NME7: variants seen among roughly 807,000 people sequenced by gnomAD.
NME7 encodes nucleoside diphosphate kinase 7.
In NME7, 41 loss-of-function variants were observed where a neutral mutation model predicts 49.1. The ratio of observed to expected loss-of-function variants is 0.83; its 90% CI spans 0.65 to 1.08. The LOEUF (loss-of-function observed/expected upper bound fraction) is 1.08. Among genes scored for constraint, NME7 ranks in the 50% least tolerant of loss-of-function variants. The pLI is 0.00. For synonymous variants in NME7, 139 were observed against 150.6 expected (o/e 0.92, Z 0.56); for missense variants, 423 against 463.4 (o/e 0.91, Z 0.80).
intron 3 of NME7, chr1:169,310,726 A>G (rs2101921240): frequency 6.6e-6 from 1 of 152,334 alleles, no homozygotes; most frequent in African/African-American, 2.4e-5. Context: ...GATGAAGATC[A>G]CCTGAGTGTC....
intron 8 of NME7, 123 bp from the exon 9 acceptor site, chr1:169,235,322 G>A: frequency 2.0e-6 from 1 of 496,406 alleles, no homozygotes; most frequent in African/African-American, 2.0e-5. Flanking sequence ...ACTTTACATA[G>A]ATTACTCTTT....
chr1:169,321,963 C>T (rs1651865652), intron 3 of NME7, among the ~76,000 whole-genome samples: 1 of 151,890 alleles, frequency 6.6e-6, no homozygotes. Context: ...CCAAACCATA[C>T]AAAGTATAAG....
At chr1:169,314,871 G>A (rs1651552226) in intron 3 of NME7, among the ~76,000 whole-genome samples, 1 of 152,066 alleles carries the variant, frequency 6.6e-6, no homozygotes, top group Admixed American at 6.6e-5. Context: ...TATACCATGC[G>A]AATGTTAACT....
At chr1:169,155,662 C>T (rs1306163799) in intron 11 of NME7, among the ~76,000 whole-genome samples, 2 of 151,880 alleles carry the variant, frequency 1.3e-5, no homozygotes, top group Non-Finnish European at 2.9e-5. Context: ...TAAAACAAAA[C>T]GATGATGATG....
intron 4 of NME7, among the ~76,000 whole-genome samples, chr1:169,305,145 C>T (rs988551430): frequency 7.2e-5 from 11 of 152,302 alleles, no homozygotes; most frequent in East Asian, 5.8e-4. Context: ...ATTGAAACCA[C>T]GATGAGAGTT....
chr1:169,318,923 G>A (rs1571385114), intron 3 of NME7, among the ~76,000 whole-genome samples: 1 of 151,698 alleles, frequency 6.6e-6, no homozygotes, highest in East Asian at 1.9e-4. Context: ...AACAACCAGG[G>A]GAAGACAGAA....
chr1:169,143,670 T>C (rs932855282), intron 11 of NME7, among the ~76,000 whole-genome samples: 2 of 152,220 alleles, frequency 1.3e-5, no homozygotes, highest in Non-Finnish European at 2.9e-5. Flanking sequence ...TTCTGGTGTA[T>C]AGGAAAAGTT....
chr1:169,327,704 A>G (rs1255409834), intron 1 of NME7, among the ~76,000 whole-genome samples: 3 of 152,360 alleles, frequency 2.0e-5, no homozygotes, highest in South Asian at 4.1e-4. Flanking sequence ...ATAACAAAAA[A>G]TAGGTGATTT....
intron 7 of NME7, among the ~76,000 whole-genome samples, chr1:169,281,948 T>C (rs1260168303): frequency 1.3e-5 from 2 of 152,224 alleles, no homozygotes; most frequent in African/African-American, 4.8e-5. Flanking sequence ...GGTATCAGGA[T>C]GATGCTGGCC....
rs142461719 is a variant in NME7 at position 169,294,024 on chromosome 1, T to C, written c.648+4532A>G. Among the ~76,000 whole-genome samples the C allele has an allele frequency of 3.8e-3, 573 of 152,296 alleles. 4 individuals are homozygous for C. Among genetic ancestry groups the C allele is most frequent in the African/African-American group, 0.012 (510 of 41,584 alleles). On this transcript the variant is annotated intron_variant, in intron 6 of 11. Coordinates refer to ENST00000367811, the MANE Select transcript of NME7 (RefSeq NM_013330.5). ...ATCAAGATTACTATTGATTTTTGTA[T>C]ACTAATATTACATCCAGTACAAATT... is the stretch of plus-strand genomic sequence containing the variant.
At chr1:169,193,634 C>A (rs1055649327) in intron 10 of NME7, among the ~76,000 whole-genome samples, 1 of 152,172 alleles carries the variant, frequency 6.6e-6, no homozygotes, top group Non-Finnish European at 1.5e-5. Context: ...AGAGATAAGG[C>A]CTGGCACATG....
intron 1 of NME7, among the ~76,000 whole-genome samples, chr1:169,329,396 G>GAAAA (rs34676722): frequency 1.0e-5 from 1 of 98,228 alleles, no homozygotes. Context: ...TGTGTTTCCT[G>GAAAA]AAAAAAAAAA....
At chr1:169,279,801 A>G (rs1649927544) in intron 7 of NME7, among the ~76,000 whole-genome samples, 2 of 152,136 alleles carry the variant, frequency 1.3e-5, no homozygotes, top group South Asian at 4.1e-4. Context: ...GGAGCTGTAG[A>G]CTGGAGCTGT....
At chr1:169,136,113 G>C (rs1658421386) in intron 11 of NME7, among the ~76,000 whole-genome samples, 1 of 48,254 alleles carries the variant, frequency 2.1e-5, no homozygotes, top group Admixed American at 1.9e-4. Flanking sequence ...CACATATATC[G>C]GGCACAGCCA....
rs886372344 is a variant in NME7 at position 169,264,661 on chromosome 1, T to C, written c.754+22642A>G. ...AGAGACTTAGATTCATACACAATAA[T>C]AGTGGGAGACATCAACACCCTACTG... On this transcript the variant is annotated intron_variant, in intron 7 of 11. Transcript: ENST00000367811. 4.5e-5 allele frequency among the ~76,000 whole-genome samples: 6 copies of C among 132,716 alleles called. 1 individual carries two copies. Among genetic ancestry groups the C allele is most frequent in the East Asian group, 4.0e-4 (2 of 5,002 alleles). 87.1% of individuals were successfully genotyped at this position (132,716 alleles called of 152,430 possible).
Position 169,132,919 on chromosome 1 carries a change from C to T in NME7, c.1099-102G>A. ...GTCAGGACTTCAGACACTGGCATAC[C>T]CCTTCCCAAAGACACTAAAAGTTAA... On this transcript the variant is annotated intron_variant, in intron 11 of 11. Transcript: ENST00000367811. 4 of 765,930 alleles carry T rather than the reference C, an allele frequency of 5.2e-6. No homozygotes were observed. The South Asian group carries it at 6.9e-5, about 13-fold the overall frequency. 47.4% of individuals were successfully genotyped at this position (765,930 alleles called of 1,614,324 possible). A position where few individuals can be genotyped will look rare whatever the true frequency, so the allele number is the denominator to read the frequency against.
rs10919126 is a variant in NME7, at chr1:169,295,128, G to A, written c.648+3428C>T. ...AGTGGAAGCTGCCTGAGACCCTCACGAGATGCAGATGCCCAATCTTGATGT... is the reference window on the plus strand; with the variant it reads ...AGTGGAAGCTGCCTGAGACCCTCACAAGATGCAGATGCCCAATCTTGATGT... On this transcript the variant is annotated intron_variant, in intron 6 of 11. Transcript: ENST00000367811. Among the ~76,000 whole-genome samples the A allele has an allele frequency of 1.6e-3, 238 of 152,156 alleles. 1 individual carries two copies. The highest frequency in any genetic ancestry group is 5.4e-3 in the African/African-American group (223 of 41,530).
intron 11 of NME7, among the ~76,000 whole-genome samples, chr1:169,151,564 A>C (rs1284239412): frequency 4.0e-5 from 6 of 151,768 alleles, no homozygotes; most frequent in African/African-American, 1.2e-4. Flanking sequence ...GGAAGAGATG[A>C]CCTCCGCTAG....
chr1:169,341,629 T>C (rs988453925), intron 1 of NME7, among the ~76,000 whole-genome samples: 1 of 152,126 alleles, frequency 6.6e-6, no homozygotes, highest in African/African-American at 2.4e-5. Context: ...TGCCAGCCTT[T>C]GAAAGCAGCC....
Sources: allele counts gnomAD v4.1 joint callset (sites outside exome capture counted in the v4.1 genomes callset), GRCh38; gene constraint gnomAD v4.1.1; transcripts MANE v1.5; gene names NCBI Gene and HGNC (gene_info 2026-07-23, HGNC 2026-07-21).